IL2RA: variants seen among roughly 807,000 people sequenced by gnomAD.
IL2RA encodes the protein interleukin 2 receptor subunit alpha.
A neutral mutation model predicts 37.8 loss-of-function variants in IL2RA; 24 were observed. The observed-to-expected ratio is 0.63, with a 90% CI of 0.46 to 0.89. IL2RA has a LOEUF of 0.89. IL2RA is among the 40% of genes least tolerant of loss of function. IL2RA has a pLI of 0.00. For synonymous variants in IL2RA, 125 were observed against 114.6 expected, an observed-to-expected ratio of 1.09 and a Z score of -0.58; for missense variants, 319 against 348.6, an observed-to-expected ratio of 0.92 and a Z score of 0.68.
At chr10:6,030,392 G>A (rs1052705440) in intron 1 of IL2RA, among the ~76,000 whole-genome samples, 3 of 152,020 alleles carry the variant, frequency 2.0e-5, no homozygotes, top group Non-Finnish European at 4.4e-5. Flanking sequence ...TCTTAAAAGT[G>A]GCCAGAGGGA....
At position 6,048,281 on chromosome 10, in the gene IL2RA, T is replaced by C. The variant is rs7089386; in HGVS notation, c.64+13807A>G. Among the ~76,000 whole-genome samples, 4,463 of 152,316 alleles carry C rather than the reference T, an allele frequency of 0.029. 221 individuals carry two copies. The highest frequency in any genetic ancestry group is 0.1 in the African/African-American group (4,225 of 41,552). On this transcript the variant is annotated intron_variant, in intron 1 of 7. Coordinates refer to ENST00000379959, the MANE Select transcript of IL2RA (RefSeq NM_000417.3). This position sits in a 1 kb window ranked among gnomAD's most constrained non-coding sequence, Gnocchi z 5.3. ...AATTGAGGCTGGATTATTAGGTGCA[T>C]GGAGGACAGCAAGGAAGAAATGAGG...
intron 1 of IL2RA, among the ~76,000 whole-genome samples, chr10:6,052,537 AT>A (rs1375748682): frequency 6.6e-6 from 1 of 152,134 alleles, no homozygotes; most frequent in Non-Finnish European, 1.5e-5. Context: ...GTTGTCTCCA[AT>A]CTCCCTGACT....
In IL2RA at chr10:6,019,368, CA is replaced by C; in HGVS notation, c.727+59del. The C allele has an allele frequency of 2.3e-6, 3 of 1,304,736 alleles. No individual in the cohort carries two copies. The South Asian group carries it at 3.5e-5, about 15-fold the overall frequency. 80.8% of individuals were successfully genotyped at this position (1,304,736 alleles called of 1,614,324 possible). On this transcript the variant is annotated intron_variant, in intron 6 of 7. Coordinates refer to ENST00000379959, the MANE Select transcript of IL2RA (RefSeq NM_000417.3). ...CCAACTAACCAACCTACTAACCAGT[CA>C]ACCTGTCCATATCTCAGCCTGGTGT...
rs748913754 is a variant in IL2RA, at chr10:6,015,635, G to A, written c.794+2418C>T. On this transcript the variant is annotated intron_variant, in intron 7 of 7. Transcript: ENST00000379959. This position sits in a 1 kb window ranked among gnomAD's most constrained non-coding sequence, Gnocchi z 4.9. ...GTTATATATATTTATGAGGTATGTA[G>A]GGATGCTTTGATACCTACAAGGTAC... Among the ~76,000 whole-genome samples the A allele has an allele frequency of 1.8e-4, 28 of 152,158 alleles. No individual in the cohort carries two copies. Among genetic ancestry groups the A allele is most frequent in the Non-Finnish European group, 3.4e-4 (23 of 68,034 alleles).
Position 6,044,180 on chromosome 10 carries a change from G to A in IL2RA, c.64+17908C>T, listed in dbSNP as rs1297890413. On this transcript the variant is annotated intron_variant, in intron 1 of 7. Coordinates refer to ENST00000379959, the MANE Select transcript of IL2RA (RefSeq NM_000417.3). This position sits in a 1 kb window ranked among gnomAD's most constrained non-coding sequence, Gnocchi z 4.5. The stretch of plus-strand genomic sequence containing the variant: ...TCTTCCTAGAGAAGGTGGTAGTGAT[G>A]CAGGACAAGCGAGCCCCGAGGTGGG... 2.0e-5 allele frequency among the ~76,000 whole-genome samples: 3 copies of A among 152,246 alleles called. No homozygotes were observed. The highest frequency in any genetic ancestry group is 7.2e-5 in the African/African-American group (3 of 41,462).
chr10:6,019,719 C>CT (rs1263619143), intron 5 of IL2RA, 151 bp downstream of exon 5: 2 of 832,098 alleles, frequency 2.4e-6, no homozygotes, highest in African/African-American at 3.4e-5. Context: ...CTGCAGGTTG[C>CT]TGAGGCCCTG....
In IL2RA at chr10:6,044,591, A is replaced by G. The variant is rs1839823021; in HGVS notation, c.64+17497T>C. Reference sequence around the variant, plus strand: ...CTTATGGAAAGCTGCTTCTGCCCCAATCCTGTTTTTGCTAGTCCTCAATTT... The same window carrying G: ...CTTATGGAAAGCTGCTTCTGCCCCAGTCCTGTTTTTGCTAGTCCTCAATTT... On this transcript the variant is annotated intron_variant, in intron 1 of 7. Coordinates refer to ENST00000379959, the MANE Select transcript of IL2RA (RefSeq NM_000417.3). The surrounding 1 kb of genome is among the most constrained non-coding windows in gnomAD (Gnocchi z 4.5). Among the ~76,000 whole-genome samples the G allele has an allele frequency of 6.6e-6, 1 of 152,278 alleles. No homozygotes were observed. The highest frequency in any genetic ancestry group is 1.5e-5 in the Non-Finnish European group (1 of 68,016).
chr10:6,017,985 G>A, intron 7 of IL2RA, 68 bp downstream of exon 7: 3 of 1,267,572 alleles, frequency 2.4e-6, no homozygotes, highest in Non-Finnish European at 3.4e-6. Context: ...GGGTAGGGGG[G>A]AGGCAGGGTG....
At chr10:6,013,500 G>T (rs926410768) in intron 7 of IL2RA, among the ~76,000 whole-genome samples, 2 of 152,128 alleles carry the variant, frequency 1.3e-5, no homozygotes, top group African/African-American at 4.8e-5. Context: ...TTTGCACAGA[G>T]TTCCCATAGC....
chr10:6,052,453 A>G (rs918908437), intron 1 of IL2RA, among the ~76,000 whole-genome samples: 7 of 152,210 alleles, frequency 4.6e-5, no homozygotes, highest in Non-Finnish European at 1.0e-4. Flanking sequence ...CAGTTCCTCA[A>G]TGAACATTTG....
intron 6 of IL2RA, among the ~76,000 whole-genome samples, 168 bp downstream of exon 6, chr10:6,019,260 C>T (rs1839336916): frequency 6.6e-6 from 1 of 152,162 alleles, no homozygotes; most frequent in African/African-American, 2.4e-5. Context: ...ACTAACCTCC[C>T]AACCTACGAA....
chr10:6,059,805 C>G (rs752702033), intron 1 of IL2RA, among the ~76,000 whole-genome samples: 1 of 152,132 alleles, frequency 6.6e-6, no homozygotes, highest in South Asian at 2.1e-4. Context: ...CCTCATGAAG[C>G]CTTCTCTGAT....
intron 1 of IL2RA, among the ~76,000 whole-genome samples, chr10:6,027,800 G>T (rs1839509293): frequency 6.6e-6 from 1 of 152,106 alleles, no homozygotes; most frequent in Non-Finnish European, 1.5e-5. Context: ...GCAAAAGTTT[G>T]TCTCTCTGTA....
chr10:6,038,395 A>T (rs772856052), intron 1 of IL2RA, among the ~76,000 whole-genome samples: 1 of 152,214 alleles, frequency 6.6e-6, no homozygotes, highest in Non-Finnish European at 1.5e-5. Flanking sequence ...TATCTATATA[A>T]TAATAACTAT....
intron 1 of IL2RA, among the ~76,000 whole-genome samples, chr10:6,059,679 T>C (rs557105968): frequency 1.3e-5 from 2 of 152,260 alleles, no homozygotes; most frequent in African/African-American, 2.4e-5. Flanking sequence ...CAGGAGCACA[T>C]TGGACCACCT....
At chr10:6,053,061 G>A (rs1839990236) in intron 1 of IL2RA, among the ~76,000 whole-genome samples, 1 of 152,150 alleles carries the variant, frequency 6.6e-6, no homozygotes, top group Non-Finnish European at 1.5e-5. Flanking sequence ...CATGTACCTG[G>A]GGCTGAAGGA....
rs938858336 is a variant in IL2RA, at chr10:6,047,713, A to G, written c.64+14375T>C. Among the ~76,000 whole-genome samples the G allele has an allele frequency of 6.7e-6, 1 of 149,590 alleles. No homozygotes were observed. Among genetic ancestry groups the G allele is most frequent in the African/African-American group, 2.4e-5 (1 of 41,028 alleles). On this transcript the variant is annotated intron_variant, in intron 1 of 7. Transcript: ENST00000379959. The surrounding 1 kb of genome is among the most constrained non-coding windows in gnomAD (Gnocchi z 5.0). ...AAATACCATCTTAGCTTATGAAATT[A>G]TCTTATATGATAAAATAATTATACA...
At position 6,012,644 on chromosome 10, in the gene IL2RA, C is replaced by T; in HGVS notation, c.*228G>A. The T allele has an allele frequency of 3.3e-6, 2 of 602,086 alleles. No individual in the cohort carries two copies. Among genetic ancestry groups the T allele is most frequent in the Non-Finnish European group, 6.0e-6 (2 of 335,250 alleles). 37.3% of individuals were successfully genotyped at this position (602,086 alleles called of 1,614,324 possible). A position where few individuals can be genotyped will look rare whatever the true frequency, so the allele number is the denominator to read the frequency against. The stretch of plus-strand genomic sequence containing the variant: ...CCCTTCCTCTTCAACGGCGAAATTG[C>T]TATTTAGAAGTGGGTAGCGCTCGCT... On this transcript the variant is annotated 3_prime_UTR_variant, in exon 8 of 8. Coordinates refer to ENST00000379959, the MANE Select transcript of IL2RA (RefSeq NM_000417.3). This position sits in a 1 kb window ranked among gnomAD's most constrained non-coding sequence, Gnocchi z 4.8.
chr10:6,030,683 G>A (rs775082549), intron 1 of IL2RA, among the ~76,000 whole-genome samples: 5 of 152,050 alleles, frequency 3.3e-5, no homozygotes, highest in African/African-American at 4.8e-5. Context: ...AACATAAATC[G>A]ACATGAAGTA....
Sources: gnomAD v4.1 joint callset for allele counts (sites outside exome capture counted in the v4.1 genomes callset) on GRCh38, gnomAD v4.1.1 for gene constraint, Gnocchi (gnomAD v3.1) non-coding constraint, MANE v1.5 for transcripts, NCBI Gene and HGNC (gene_info 2026-07-23, HGNC 2026-07-21) for gene names.